The following KMT2B variants were observed in gnomAD, a reference collection of about 807,000 sequenced individuals.
KMT2B encodes lysine methyltransferase 2B, also known as histone-lysine N-methyltransferase 2B.
In KMT2B, 22 loss-of-function variants were observed where a neutral mutation model predicts 255.3. The ratio of observed to expected loss-of-function variants is 0.09; its 90% confidence interval spans 0.06 to 0.12. The LOEUF (loss-of-function observed/expected upper bound fraction) is 0.12. KMT2B is among the 10% of genes least tolerant of loss of function. The pLI is 1.00. For synonymous variants in KMT2B, 1,730 were observed against 1,498.1 expected, an observed-to-expected ratio of 1.15 and a Z score of -3.57; for missense variants, 3,149 against 3,737.0, an observed-to-expected ratio of 0.84 and a Z score of 4.10.
chr19:35,723,910 C>T lies in KMT2B; in HGVS notation c.3237C>T (p.Cys1079=), dbSNP rs778335948. The change falls in exon 8 of 37, where the codon TGC becomes TGT. Residue 1079 remains cysteine, a synonymous_variant. Coordinates refer to ENST00000420124, the MANE Select transcript of KMT2B (RefSeq NM_014727.3). The surrounding 1 kb of genome is among the most constrained non-coding windows in gnomAD (Gnocchi z 7.5). ...SLLQRKSARR[C]VKQRPSYDIF... is the part of the protein sequence containing the mutation. ...TGCAGCGCAAGTCAGCTCGGCGCTG[C>T]GTCAAACAGCGACCCTCCTATGATA... The T allele has an allele frequency of 3.1e-6, 5 of 1,611,982 alleles. No homozygotes were observed. Among genetic ancestry groups the T allele is most frequent in the South Asian group, 1.1e-5 (1 of 90,886 alleles).
At chr19:35,719,397 G>A (rs994572215) in intron 1 of KMT2B, 72 bp from the exon 2 acceptor site, 4 of 1,108,526 alleles carry the variant, frequency 3.6e-6, no homozygotes, top group Admixed American at 4.6e-5. Flanking sequence ...GATATTCCTC[G>A]ATACCTCAGA....
In KMT2B at chr19:35,720,714, C is replaced by G. The variant is rs1451126354; in HGVS notation, c.1367C>G (p.Ser456Cys). ...PPPAQEEQEE[S>C]PPPVVPATCS... ...CCTGCCCAAGAGGAGCAGGAGGAAT[C>G]CCCTCCTCCTGTGGTCCCAGCTACG... The change falls in exon 3 of 37, where the codon TCC (serine) becomes TGC (cysteine). Residue 456 changes from serine (S) to cysteine (C), a missense_variant. By Grantham distance (112) the Ser-to-Cys change is moderately radical. Coordinates refer to ENST00000420124, the MANE Select transcript of KMT2B (RefSeq NM_014727.3). 1.4e-6 allele frequency: 2 copies of G among 1,417,282 alleles called. No homozygotes were observed. The highest frequency in any genetic ancestry group is 1.4e-5 in the South Asian group (1 of 69,480). 87.8% of individuals were successfully genotyped at this position (1,417,282 alleles called of 1,614,324 possible). A position where few individuals can be genotyped will look rare whatever the true frequency, so the allele number is the denominator to read the frequency against.
chr19:35,733,303 G>GGGCCCCC lies in KMT2B; in HGVS notation c.6754_6755insGGCCCCC (p.Ala2252GlyfsTer53). 1.5e-6 allele frequency: 2 copies of GGGCCCCC among 1,340,090 alleles called. No individual in the cohort carries two copies. Among genetic ancestry groups the GGGCCCCC allele is most frequent in the Non-Finnish European group, 2.1e-6 (2 of 961,256 alleles). 83.0% of individuals were successfully genotyped at this position (1,340,090 alleles called of 1,614,324 possible). On this transcript the variant is annotated frameshift_variant, in exon 28 of 37. Transcript: ENST00000420124. LOFTEE classifies it high-confidence loss of function. This position sits in a 1 kb window ranked among gnomAD's most constrained non-coding sequence, Gnocchi z 4.3. ...GCCCGTGGTCGGAGTGGTCCGCCCTGCCCCGCCCCCGCCACCCCCTCCCCT... is the reference window on the plus strand; with the variant it reads ...GCCCGTGGTCGGAGTGGTCCGCCCTGGGCCCCCCCCCGCCCCCGCCACCCCCTCCCCT...
At position 35,733,222 on chromosome 19, in the gene KMT2B, T is replaced by TC; in HGVS notation, c.6678dup (p.Thr2227HisfsTer76). Reference sequence around the variant, plus strand: ...GCAGCCACCTTTGCCCCCCACCATTTCCCCCACGGCTCCCACCTCCTGGAC... The same window carrying TC: ...GCAGCCACCTTTGCCCCCCACCATTTCCCCCCACGGCTCCCACCTCCTGGAC... On this transcript the variant is annotated frameshift_variant, in exon 28 of 37. Transcript: ENST00000420124. LOFTEE classifies it high-confidence loss of function. The surrounding 1 kb of genome is among the most constrained non-coding windows in gnomAD (Gnocchi z 4.3). 2 of 1,407,854 alleles carry TC rather than the reference T, an allele frequency of 1.4e-6. No individual in the cohort carries two copies. Among genetic ancestry groups the TC allele is most frequent in the Non-Finnish European group, 1.9e-6 (2 of 1,040,362 alleles). The allele number at this position is 1,407,854 out of a possible 1,614,324, so 87.2% of individuals were successfully genotyped here.
chr19:35,723,542 TAG>T lies in KMT2B; in HGVS notation c.3058+43_3058+44del. 1 of 1,536,804 alleles carries T rather than the reference TAG, an allele frequency of 6.5e-7. No individual in the cohort carries two copies. Among genetic ancestry groups the T allele is most frequent in the East Asian group, 2.4e-5 (1 of 41,052 alleles). On this transcript the variant is annotated intron_variant, in intron 7 of 36. Transcript: ENST00000420124. The surrounding 1 kb of genome is among the most constrained non-coding windows in gnomAD (Gnocchi z 7.5). ...GGAGCATTTCTTCTCAAAACCGTGT[TAG>T]AGTTTGTGCTGTGGAGGGAGCTGTT...
Position 35,721,470 on chromosome 19 carries a change from C to G in KMT2B, c.2123C>G (p.Ala708Gly). ...AACCACCTCAGCCTGCCTCGATTCG[C>G]CCCTGTGGTCACCACTCCTGTTAAG... ...RTNHLSLPRF[A>G]PVVTTPVKAE... The change falls in exon 3 of 37, where the codon GCC becomes GGC. Residue 708 changes from alanine to glycine, a missense_variant. By Grantham distance (60) the Ala-to-Gly change is moderately conservative. Coordinates refer to ENST00000420124, the MANE Select transcript of KMT2B (RefSeq NM_014727.3). 2 of 1,612,776 alleles carry G rather than the reference C, an allele frequency of 1.2e-6. No individual in the cohort carries two copies. Among genetic ancestry groups the G allele is most frequent in the Admixed American group, 1.7e-5 (1 of 60,010 alleles).
Position 35,727,415 on chromosome 19 carries a change from C to T in KMT2B, c.4118-23C>T. 1 of 1,613,050 alleles carries T rather than the reference C, an allele frequency of 6.2e-7. No homozygotes were observed. On this transcript the variant is annotated intron_variant, in intron 15 of 36. Transcript: ENST00000420124. The surrounding 1 kb of genome is among the most constrained non-coding windows in gnomAD (Gnocchi z 4.2). ...CTCACATCCTCTGAAACCACTTTTC[C>T]CTTTCCCACTTGGCTATCCTAGATG...
chr19:35,733,625 A>T lies in KMT2B; in HGVS notation c.6988A>T (p.Thr2330Ser). 1.3e-6 allele frequency: 2 copies of T among 1,591,566 alleles called. No homozygotes were observed. Among genetic ancestry groups the T allele is most frequent in the Non-Finnish European group, 1.7e-6 (2 of 1,169,388 alleles). Residue 2330 changes from threonine (T) to serine (S), a missense_variant, in exon 29 of 37, where the codon ACA becomes TCA. By Grantham distance (58) the Thr-to-Ser change is moderately conservative. Around this residue, in one of 18 missense-constraint regions of KMT2B, gnomAD observed 897 missense variants for 825.3 expected, o/e 1.09. Transcript: ENST00000420124. The surrounding 1 kb of genome is among the most constrained non-coding windows in gnomAD (Gnocchi z 4.3). ...GFSRVRMKTP[T>S]VRGVLDLDRP... ...TAGCCGTGTGAGGATGAAAACCCCCACAGTGCGTGGGGTCCTTGACCTGGA... is the reference window on the plus strand; with the variant it reads ...TAGCCGTGTGAGGATGAAAACCCCCTCAGTGCGTGGGGTCCTTGACCTGGA...
rs750295912 is a variant in KMT2B at position 35,727,133 on chromosome 19, C to T, written c.4004-23C>T. ...TGAGTGGGAACTCCAGCACCTCTGA[C>T]TCCTTCTCTTCCCTTTCTCTAGGAA... On this transcript the variant is annotated intron_variant, in intron 14 of 36. Coordinates refer to ENST00000420124, the MANE Select transcript of KMT2B (RefSeq NM_014727.3). The surrounding 1 kb of genome is among the most constrained non-coding windows in gnomAD (Gnocchi z 4.2). 1 of 1,559,144 alleles carries T rather than the reference C, an allele frequency of 6.4e-7. No individual in the cohort carries two copies. The highest frequency in any genetic ancestry group is 8.8e-7 in the Non-Finnish European group (1 of 1,138,692).
In KMT2B at chr19:35,722,574, G is replaced by C. The variant is rs368744106; in HGVS notation, c.2578G>C (p.Glu860Gln). The change falls in exon 5 of 37, where the codon GAG becomes CAG. Residue 860 changes from glutamate to glutamine, a missense_variant. Glu to Gln is a conservative substitution (Grantham distance 29, BLOSUM62 2). Transcript: ENST00000420124. The part of the protein sequence containing the change: ...EAKRERPSGP[E>Q]SPVQGPRIKH... ...ACTCCGATTTCTCCCCCAGGGTCCC[G>C]AGTCCCCTGTGCAAGGTCCCCGCAT... The C allele has an allele frequency of 5.6e-6, 9 of 1,605,300 alleles. No individual in the cohort carries two copies. Among genetic ancestry groups the C allele is most frequent in the Non-Finnish European group, 6.8e-6 (8 of 1,176,516 alleles).
At position 35,736,492 on chromosome 19, in the gene KMT2B, G is replaced by A. The variant is rs141827267; in HGVS notation, c.7160-198G>A. On this transcript the variant is annotated intron_variant, in intron 30 of 36. Transcript: ENST00000420124. ...CAAGAAGTCCTGCAGAAGAGGAGCC[G>A]CAGGCTCCTTAGGGGAAGAAATGTC... 1.4e-3 allele frequency: 870 copies of A among 629,100 alleles called. 3 individuals carry two copies. The highest frequency in any genetic ancestry group is 0.014 in the African/African-American group (749 of 54,482). The allele number at this position is 629,100 out of a possible 1,614,324, so 39.0% of individuals were successfully genotyped here. A position where few individuals can be genotyped will look rare whatever the true frequency, so the allele number is the denominator to read the frequency against.
At position 35,723,568 on chromosome 19, in the gene KMT2B, T is replaced by C. The variant is rs900596697; in HGVS notation, c.3058+66T>C. ...AGAGTTTGTGCTGTGGAGGGAGCTG[T>C]TTTTCTTTGCTCTCCTCCCTTGCAG... On this transcript the variant is annotated intron_variant, in intron 7 of 36. Coordinates refer to ENST00000420124, the MANE Select transcript of KMT2B (RefSeq NM_014727.3). This position sits in a 1 kb window ranked among gnomAD's most constrained non-coding sequence, Gnocchi z 7.5. 3 of 1,448,896 alleles carry C rather than the reference T, an allele frequency of 2.1e-6. No individual in the cohort carries two copies. The highest frequency in any genetic ancestry group is 2.8e-6 in the Non-Finnish European group (3 of 1,069,092). The allele number at this position is 1,448,896 out of a possible 1,614,324, so 89.8% of individuals were successfully genotyped here.
rs766624004 is a variant in KMT2B at position 35,719,768 on chromosome 19, A to G, written c.437-16A>G. 2.6e-6 allele frequency: 4 copies of G among 1,567,956 alleles called. No homozygotes were observed. On this transcript the variant is annotated splice_polypyrimidine_tract_variant and intron_variant, in intron 2 of 36. Transcript: ENST00000420124. The stretch of plus-strand genomic sequence containing the variant: ...GGCTGGCTTGATCCATCTCCCCACA[A>G]CTATTCTCCTTTTAGGTCGAGCGCC...
rs764974671 is a variant in KMT2B, at chr19:35,725,215, C to A, written c.3529-5C>A. ...CCTCTGATCCTGCATCCTCTCTTCC[C>A]CCAGGAGGATTGTGATTTAGAGAAC... On this transcript the variant is annotated splice_polypyrimidine_tract_variant and splice_region_variant and intron_variant, in intron 10 of 36. Coordinates refer to ENST00000420124, the MANE Select transcript of KMT2B (RefSeq NM_014727.3). The surrounding 1 kb of genome is among the most constrained non-coding windows in gnomAD (Gnocchi z 4.1). The A allele has an allele frequency of 1.2e-6, 2 of 1,610,722 alleles. No homozygotes were observed. Among genetic ancestry groups the A allele is most frequent in the Non-Finnish European group, 1.7e-6 (2 of 1,177,596 alleles).
At chr19:35,735,935 C>T (rs1321704334) in intron 30 of KMT2B, 1 of 152,216 alleles carries the variant, frequency 6.6e-6, no homozygotes, top group Non-Finnish European at 1.5e-5. Flanking sequence ...TCATAACATA[C>T]AGTGTACTTG....
Position 35,727,873 on chromosome 19 carries a change from C to G in KMT2B, c.4393-8C>G, listed in dbSNP as rs754980069. On this transcript the variant is annotated splice_polypyrimidine_tract_variant and splice_region_variant and intron_variant, in intron 17 of 36. Transcript: ENST00000420124. The surrounding 1 kb of genome is among the most constrained non-coding windows in gnomAD (Gnocchi z 4.2). ...AGGGGACTCAGTCTCTGACAAACCC[C>G]CTTACAGCACAGCTTCATGGAGGAC... The G allele has an allele frequency of 4.3e-6, 7 of 1,609,428 alleles. No individual in the cohort carries two copies. In the South Asian group the frequency reaches 6.6e-5, roughly 15 times the overall value.
At position 35,732,625 on chromosome 19, in the gene KMT2B, G is replaced by A; in HGVS notation, c.6076G>A (p.Glu2026Lys). 6.2e-7 allele frequency: 1 copy of A among 1,611,848 alleles called. No homozygotes were observed. Among genetic ancestry groups the A allele is most frequent in the Non-Finnish European group, 8.5e-7 (1 of 1,179,166 alleles). The change falls in exon 28 of 37, where the codon GAG becomes AAG. Residue 2026 changes from glutamate (E) to lysine (K), a missense_variant. By Grantham distance (56) the Glu-to-Lys change is moderately conservative. Around this residue, in one of 18 missense-constraint regions of KMT2B, gnomAD observed 897 missense variants for 825.3 expected, o/e 1.09. Coordinates refer to ENST00000420124, the MANE Select transcript of KMT2B (RefSeq NM_014727.3). The part of the protein sequence containing the change: ...SHGGPGDSSE[E>K]ESSPTSRYIH... ...CGGGGGCCCGGGGGACAGCTCCGAG[G>A]AGGAGTCCAGCCCCACCTCCCGCTA...
chr19:35,721,295 C>G lies in KMT2B; in HGVS notation c.1948C>G (p.Pro650Ala). ...SSRRPLLLRA[P>A]QFTPSEAHLK... ...CCGGAGGCCCCTACTCCTTCGGGCC[C>G]CTCAGTTTACCCCAAGCGAAGCCCA... The change falls in exon 3 of 37, where the codon CCT becomes GCT. Residue 650 changes from proline to alanine, a missense_variant. Physicochemically the swap from Pro to Ala is conservative, Grantham distance 27. This residue lies in a region of KMT2B where 1,188 missense variants were observed against 1,106.4 expected (regional missense o/e 1.07). Transcript: ENST00000420124. 6.5e-7 allele frequency: 1 copy of G among 1,543,490 alleles called. No individual in the cohort carries two copies. Among genetic ancestry groups the G allele is most frequent in the Non-Finnish European group, 8.7e-7 (1 of 1,145,132 alleles).
rs767727846 is a variant in KMT2B, at chr19:35,721,213, C to T, written c.1866C>T (p.Pro622=). ...TSLTRELPPP[P]PAPPPPPAPS... ...TGACCCGGGAGCTGCCCCCTCCTCCCCCAGCCCCTCCACCTCCCCCGGCCC... is the reference window on the plus strand; with the variant it reads ...TGACCCGGGAGCTGCCCCCTCCTCCTCCAGCCCCTCCACCTCCCCCGGCCC... Residue 622 remains proline (P), a synonymous_variant, in exon 3 of 37, where the codon CCC becomes CCT. Transcript: ENST00000420124. 6.6e-7 allele frequency: 1 copy of T among 1,509,930 alleles called. No individual in the cohort carries two copies. The highest frequency in any genetic ancestry group is 2.5e-5 in the East Asian group (1 of 40,262). The allele number at this position is 1,509,930 out of a possible 1,614,324, so 93.5% of individuals were successfully genotyped here.
Sources: gnomAD v4.1 joint callset for allele counts on GRCh38, gnomAD v4.1.1 for gene constraint, gnomAD v4.1.1 regional missense constraint, Gnocchi (gnomAD v3.1) non-coding constraint, MANE v1.5 for transcripts, NCBI Gene and HGNC (gene_info 2026-07-23, HGNC 2026-07-21) for gene names.